AOAH: variants seen among roughly 807,000 people sequenced by gnomAD.
AOAH encodes acyloxyacyl hydrolase (neutrophil).
AOAH carries 64 observed loss-of-function variants against 92.2 expected under a neutral mutation model. That is an observed-to-expected ratio of 0.69 (90% confidence interval 0.57 to 0.86). The LOEUF (loss-of-function observed/expected upper bound fraction) is 0.86, where lower values mean the gene tolerates loss of function less well. Among genes scored for constraint, AOAH ranks in the 40% least tolerant of loss-of-function variants. AOAH has a pLI of 0.00. For missense variants in AOAH, 656 were observed against 694.6 expected, an observed-to-expected ratio of 0.94 and a Z score of 0.62; for synonymous variants, 263 against 254.5, an observed-to-expected ratio of 1.03 and a Z score of -0.32.
At chr7:36,702,363 G>C (rs1190829007) in intron 1 of AOAH, among the ~76,000 whole-genome samples, 1 of 152,158 alleles carries the variant, frequency 6.6e-6, no homozygotes, top group African/African-American at 2.4e-5. Flanking sequence ...CCAGCACTGA[G>C]TCTTCTCAGT....
intron 2 of AOAH, among the ~76,000 whole-genome samples, chr7:36,679,824 A>C (rs182344609): frequency 6.6e-6 from 1 of 152,100 alleles, no homozygotes; most frequent in East Asian, 1.9e-4. Context: ...CGCCCAGTTA[A>C]TTTTTGTATT....
intron 5 of AOAH, among the ~76,000 whole-genome samples, chr7:36,634,942 T>C (rs1288287688): frequency 3.9e-5 from 6 of 151,956 alleles, no homozygotes; most frequent in Non-Finnish European, 8.8e-5. Flanking sequence ...GTGTAGAAAT[T>C]GGGGTTAAGT....
intron 11 of AOAH, among the ~76,000 whole-genome samples, chr7:36,615,675 G>T (rs1159497988): frequency 6.6e-6 from 1 of 152,206 alleles, no homozygotes; most frequent in Admixed American, 6.5e-5. Context: ...TGATAATGCA[G>T]CAGGTGTGTG....
intron 11 of AOAH, among the ~76,000 whole-genome samples, chr7:36,608,364 T>A (rs532399946): frequency 5.3e-5 from 8 of 152,210 alleles, no homozygotes; most frequent in Admixed American, 1.3e-4. Context: ...GGTTGCAGAA[T>A]TGGCTTCACT....
rs987915458 is a variant in AOAH at position 36,694,454 on chromosome 7, C to A, written c.128-7660G>T. 3.9e-5 allele frequency among the ~76,000 whole-genome samples: 6 copies of A among 152,178 alleles called. No individual in the cohort carries two copies. The South Asian group carries it at 1.0e-3, about 26-fold the overall frequency. On this transcript the variant is annotated intron_variant, in intron 1 of 20. Transcript: ENST00000617537. ...TGGAGGTTGCAGTGAGCCGAGATTG[C>A]ACTCCAGTCTGGGTGACAAGAGCAA...
intron 13 of AOAH, among the ~76,000 whole-genome samples, chr7:36,555,208 T>C (rs1029980568): frequency 6.6e-6 from 1 of 151,642 alleles, no homozygotes; most frequent in Admixed American, 6.6e-5. Context: ...TTGTTGAATT[T>C]TGTCAAAGGC....
At chr7:36,691,570 G>C (rs558221893) in intron 1 of AOAH, among the ~76,000 whole-genome samples, 47 of 152,318 alleles carry the variant, frequency 3.1e-4, no homozygotes, top group Non-Finnish European at 2.6e-4. Context: ...TGGTATAGTA[G>C]AGAGTAGAAG....
At chr7:36,654,162 C>T (rs188422693) in intron 4 of AOAH, among the ~76,000 whole-genome samples, 3 of 152,228 alleles carry the variant, frequency 2.0e-5, no homozygotes, top group Admixed American at 6.5e-5. Flanking sequence ...GCAATCAATG[C>T]GCTGTTTCAT....
chr7:36,530,387 C>A (rs377507588), intron 19 of AOAH, 31 bp downstream of exon 19: 30 of 1,499,834 alleles, frequency 2.0e-5, no homozygotes, highest in Non-Finnish European at 2.7e-5. Context: ...CTGCTTTCAT[C>A]TTCTGTCAAT....
chr7:36,674,470 C>T (rs1027556039), intron 2 of AOAH, among the ~76,000 whole-genome samples: 2 of 152,164 alleles, frequency 1.3e-5, no homozygotes, highest in African/African-American at 4.8e-5. Flanking sequence ...GTTGTTATCC[C>T]AGAGGTAAAA....
At chr7:36,531,844 G>GTT (rs1160125298) in intron 18 of AOAH, among the ~76,000 whole-genome samples, 1 of 60,060 alleles carries the variant, frequency 1.7e-5, no homozygotes, top group Non-Finnish European at 3.9e-5. Flanking sequence ...TTAAGAGGTT[G>GTT]TGTGTGTGTG....
chr7:36,571,160 C>T lies in AOAH; in HGVS notation c.1021+5414G>A, dbSNP rs902254980. Reference sequence around the variant, plus strand: ...TACTGAGTCCTCGCTGAGAATGAGGCCCCCAGGATTAATGCCCAGGTCTCA... The same window carrying T: ...TACTGAGTCCTCGCTGAGAATGAGGTCCCCAGGATTAATGCCCAGGTCTCA... On this transcript the variant is annotated intron_variant, in intron 13 of 20. Coordinates refer to ENST00000617537, the MANE Select transcript of AOAH (RefSeq NM_001637.4). Among the ~76,000 whole-genome samples the T allele has an allele frequency of 2.6e-5, 4 of 152,096 alleles. No individual in the cohort carries two copies. The East Asian group carries it at 5.8e-4, about 22-fold the overall frequency.
At chr7:36,540,179 G>C (rs1001823985) in intron 16 of AOAH, 140 bp downstream of exon 16, 3 of 735,296 alleles carry the variant, frequency 4.1e-6, no homozygotes, top group East Asian at 5.8e-5. Context: ...ACTGCACCTA[G>C]GGGCTCTTGC....
intron 6 of AOAH, among the ~76,000 whole-genome samples, chr7:36,630,063 G>A (rs1200115827): frequency 3.3e-5 from 5 of 152,306 alleles, no homozygotes; most frequent in East Asian, 1.9e-4. Flanking sequence ...AGACTGGAGC[G>A]ATGCAGCTGC....
At chr7:36,616,351 C>G in intron 11 of AOAH, 29 bp downstream of exon 11, 13 of 1,577,190 alleles carry the variant, frequency 8.2e-6, no homozygotes, top group South Asian at 1.1e-5. Flanking sequence ...GCCAGCACAT[C>G]TGGAATGATT....
At chr7:36,557,805 G>T (rs1306364052) in intron 13 of AOAH, among the ~76,000 whole-genome samples, 2 of 151,838 alleles carry the variant, frequency 1.3e-5, no homozygotes, top group African/African-American at 4.8e-5. Flanking sequence ...CATTCTTCAC[G>T]TAGTTCTCGA....
intron 4 of AOAH, among the ~76,000 whole-genome samples, chr7:36,651,672 G>A (rs944835736): frequency 1.3e-5 from 2 of 152,166 alleles, no homozygotes; most frequent in African/African-American, 4.8e-5. Context: ...CAGAATCTAT[G>A]CTAAACACAG....
chr7:36,670,641 AT>A (rs1049691440), intron 3 of AOAH, among the ~76,000 whole-genome samples: 5 of 151,776 alleles, frequency 3.3e-5, no homozygotes, highest in Admixed American at 2.6e-4. Flanking sequence ...CACCCGGCTA[AT>A]TTTTTTTGTA....
chr7:36,599,546 G>A (rs1431490311), intron 11 of AOAH, among the ~76,000 whole-genome samples: 2 of 152,326 alleles, frequency 1.3e-5, no homozygotes, highest in African/African-American at 2.4e-5. Flanking sequence ...AGGAATCTAA[G>A]TAACTGCTGT....
Sources: allele counts gnomAD v4.1 joint callset (sites outside exome capture counted in the v4.1 genomes callset), GRCh38; gene constraint gnomAD v4.1.1; transcripts MANE v1.5; gene names NCBI Gene and HGNC (gene_info 2026-07-23, HGNC 2026-07-21).